The following MARCHF10 variants were observed in gnomAD, a reference collection of about 807,000 sequenced individuals.
MARCHF10 encodes the protein membrane associated ring-CH-type finger 10.
A neutral mutation model predicts 76.2 loss-of-function variants in MARCHF10; 64 were observed. That is an observed-to-expected ratio of 0.84 (90% CI 0.69 to 1.03). MARCHF10 has a LOEUF of 1.03. Ranked by LOEUF, MARCHF10 falls within the 50% of genes least tolerant of loss-of-function variation. The pLI, the probability that MARCHF10 is intolerant of heterozygous loss-of-function variation, is 0.00. For synonymous variants in MARCHF10, 340 were observed against 357.5 expected (o/e 0.95, Z 0.55); for missense variants, 875 against 958.0 (o/e 0.91, Z 1.14).
At chr17:62,749,655 T>C (rs1438766176) in intron 4 of MARCHF10, among the ~76,000 whole-genome samples, 1 of 152,236 alleles carries the variant, frequency 6.6e-6, no homozygotes, top group Admixed American at 6.5e-5. Context: ...TTATGTACCA[T>C]AAATATGTTT....
chr17:62,764,103 C>A (rs746502129), intron 3 of MARCHF10, among the ~76,000 whole-genome samples: 25 of 152,020 alleles, frequency 1.6e-4, no homozygotes, highest in Non-Finnish European at 2.6e-4. Flanking sequence ...TGAATCTCCT[C>A]GGGAATGTGA....
chr17:62,735,568 A>G (rs1463939099), intron 6 of MARCHF10: 1 of 215,596 alleles, frequency 4.6e-6, no homozygotes, highest in Non-Finnish European at 8.9e-6. Context: ...GGACTGGTTC[A>G]TTCTCTAGGG....
intron 2 of MARCHF10, among the ~76,000 whole-genome samples, chr17:62,800,333 A>C (rs1378255286): frequency 6.6e-6 from 1 of 152,220 alleles, no homozygotes; most frequent in African/African-American, 2.4e-5. Context: ...TTCTGGAGAC[A>C]ATTTCAAACA....
chr17:62,780,304 T>C (rs2092634505), intron 3 of MARCHF10, among the ~76,000 whole-genome samples: 1 of 152,248 alleles, frequency 6.6e-6, no homozygotes, highest in South Asian at 2.1e-4. Flanking sequence ...CTCTCATGCA[T>C]GGCTGGACAT....
chr17:62,728,497 C>G (rs1289378064), intron 6 of MARCHF10, among the ~76,000 whole-genome samples: 1 of 152,144 alleles, frequency 6.6e-6, no homozygotes, highest in Non-Finnish European at 1.5e-5. Flanking sequence ...CTGGGGGCCA[C>G]CTGTCACATG....
At chr17:62,735,618 G>T (rs2091227275) in intron 6 of MARCHF10, 2 of 296,598 alleles carry the variant, frequency 6.7e-6, no homozygotes, top group Admixed American at 1.0e-4. Context: ...GTTCTTCATT[G>T]CTGGAGAGAA....
At chr17:62,787,369 C>T (rs1042201196) in intron 3 of MARCHF10, among the ~76,000 whole-genome samples, 1 of 151,948 alleles carries the variant, frequency 6.6e-6, no homozygotes, top group African/African-American at 2.4e-5. Context: ...ATTGATATCA[C>T]GTATTCAGGA....
chr17:62,717,126 G>A (rs1005628339), intron 8 of MARCHF10, among the ~76,000 whole-genome samples: 4 of 152,224 alleles, frequency 2.6e-5, no homozygotes, highest in African/African-American at 7.2e-5. Flanking sequence ...TTTATCTATG[G>A]CGAGCTTCAG....
intron 3 of MARCHF10, among the ~76,000 whole-genome samples, chr17:62,764,397 T>A (rs2092281525): frequency 6.6e-6 from 1 of 152,120 alleles, no homozygotes; most frequent in Admixed American, 6.6e-5. Flanking sequence ...GAGGCTGAGC[T>A]AAGTGGATCT....
chr17:62,714,749 C>G (rs1340632615), intron 8 of MARCHF10, among the ~76,000 whole-genome samples: 1 of 152,080 alleles, frequency 6.6e-6, no homozygotes, highest in Non-Finnish European at 1.5e-5. Context: ...CTCCCCTCCC[C>G]CTTCTCCTCT....
At chr17:62,775,277 C>G (rs1053750284) in intron 3 of MARCHF10, among the ~76,000 whole-genome samples, 19 of 151,842 alleles carry the variant, frequency 1.3e-4, no homozygotes, top group Non-Finnish European at 2.4e-4. Flanking sequence ...AGGCACCCAC[C>G]ACCACGCCCA....
At chr17:62,731,965 A>G (rs1054795005) in intron 6 of MARCHF10, among the ~76,000 whole-genome samples, 19 of 152,246 alleles carry the variant, frequency 1.2e-4, no homozygotes, top group African/African-American at 4.3e-4. Context: ...AAAAATACAG[A>G]GAAAACATAT....
intron 5 of MARCHF10, among the ~76,000 whole-genome samples, chr17:62,743,941 A>G (rs899920300): frequency 6.6e-6 from 1 of 152,172 alleles, no homozygotes; most frequent in Non-Finnish European, 1.5e-5. Flanking sequence ...ACAGACACAC[A>G]TCCTCCCTAT....
intron 2 of MARCHF10, 116 bp downstream of exon 2, chr17:62,801,530 G>A: frequency 6.6e-6 from 5 of 761,864 alleles, no homozygotes; most frequent in Non-Finnish European, 1.1e-5. Context: ...ATACCTAATC[G>A]GTGGGTTTGG....
chr17:62,793,405 ACCACCACCAT>A, intron 2 of MARCHF10, among the ~76,000 whole-genome samples: 1 of 140,948 alleles, frequency 7.1e-6, no homozygotes, highest in Non-Finnish European at 1.5e-5. Flanking sequence ...GACCTCCATC[ACCACCACCAT>A]CACCTCCATC....
intron 3 of MARCHF10, among the ~76,000 whole-genome samples, chr17:62,765,170 AG>A (rs2044480797): frequency 7.5e-6 from 1 of 133,856 alleles, no homozygotes; most frequent in African/African-American, 2.9e-5. Context: ...AACATGGTGA[AG>A]CCCCGTCTCC....
intron 6 of MARCHF10, among the ~76,000 whole-genome samples, chr17:62,726,494 C>A (rs528567230): frequency 3.3e-5 from 5 of 152,308 alleles, no homozygotes; most frequent in African/African-American, 9.6e-5. Flanking sequence ...TACATTTCAA[C>A]ATAATTTCCA....
At chr17:62,786,687 T>C (rs56097177) in intron 3 of MARCHF10, among the ~76,000 whole-genome samples, 2,934 of 152,282 alleles carry the variant, frequency 0.019, 49 homozygotes, top group Non-Finnish European at 0.03. Flanking sequence ...AGTGATGGTT[T>C]AAAGAATGCA....
At chr17:62,807,656 G>A (rs970106278) in intron 1 of MARCHF10, among the ~76,000 whole-genome samples, 1 of 152,058 alleles carries the variant, frequency 6.6e-6, no homozygotes. Context: ...AGCTACCACC[G>A]GGAGGCTGAG....
Sources: allele counts gnomAD v4.1 joint callset (sites outside exome capture counted in the v4.1 genomes callset), GRCh38; gene constraint gnomAD v4.1.1; transcripts MANE v1.5; gene names NCBI Gene and HGNC (gene_info 2026-07-23, HGNC 2026-07-21).